Variants in OR52K1 observed in about 807,000 individuals in gnomAD.
OR52K1 encodes olfactory receptor 52K1.
OR52K1 carries 10 observed loss-of-function variants against 8.7 expected under a neutral mutation model. The observed-to-expected ratio is 1.15, with a 90% CI of 0.71 to 1.95. OR52K1 has a LOEUF of 1.95. Ranked by LOEUF, OR52K1 falls within the 30% of genes most tolerant of loss-of-function variation. OR52K1 has a pLI of 0.00. For synonymous variants in OR52K1, 203 were observed against 148.5 expected, an observed-to-expected ratio of 1.37 and a Z score of -2.67; for missense variants, 431 against 397.2, an observed-to-expected ratio of 1.08 and a Z score of -0.72.
At chr11:4,485,419 T>A (rs977793567) in intron 1 of OR52K1, among the ~76,000 whole-genome samples, 10 of 152,202 alleles carry the variant, frequency 6.6e-5, no homozygotes, top group Admixed American at 2.0e-4. Flanking sequence ...AAACTCACCA[T>A]GTTCAAAAAT....
chr11:4,487,931 C>G (rs1178444305), intron 1 of OR52K1, among the ~76,000 whole-genome samples: 1 of 151,880 alleles, frequency 6.6e-6, no homozygotes, highest in African/African-American at 2.4e-5. Context: ...GAACAATGAC[C>G]AGAACAAGAT....
At chr11:4,484,470 C>T (rs926301419) in intron 1 of OR52K1, among the ~76,000 whole-genome samples, 2 of 152,010 alleles carry the variant, frequency 1.3e-5, no homozygotes, top group East Asian at 3.9e-4. Flanking sequence ...CTAGGTTGAG[C>T]AACTGGTTGG....
Position 4,492,695 on chromosome 11 carries a change from T to C in OR52K1, c.*2850T>C, listed in dbSNP as rs1564833639. Reference sequence around the variant, plus strand: ...TAATGAACACTTCTTCAGTCAGTTCTACAAAAAGAAGCTCCCATACATACT... The same window carrying C: ...TAATGAACACTTCTTCAGTCAGTTCCACAAAAAGAAGCTCCCATACATACT... On this transcript the variant is annotated 3_prime_UTR_variant, in exon 2 of 2. Coordinates refer to ENST00000641528, the MANE Select transcript of OR52K1 (RefSeq NM_001005171.3). 6.6e-6 allele frequency: 1 copy of C among 152,248 alleles called. No homozygotes were observed. The highest frequency in any genetic ancestry group is 1.5e-5 in the Non-Finnish European group (1 of 68,062). The allele number at this position is 152,248 out of a possible 1,614,324, so 9.4% of individuals were successfully genotyped here. A position where few individuals can be genotyped will look rare whatever the true frequency, so the allele number is the denominator to read the frequency against.
intron 1 of OR52K1, among the ~76,000 whole-genome samples, chr11:4,484,453 C>T (rs984538448): frequency 6.6e-6 from 1 of 152,036 alleles, no homozygotes; most frequent in Non-Finnish European, 1.5e-5. Flanking sequence ...TCCAGGATGA[C>T]TTGATTCTAG....
chr11:4,488,613 T>G lies in OR52K1; in HGVS notation c.-288T>G, dbSNP rs1589810079. ...CCAAGAACACAGAAAACACTACATATACTCCATTCCTTTATGAAAGTTGTC... is the reference window on the plus strand; with the variant it reads ...CCAAGAACACAGAAAACACTACATAGACTCCATTCCTTTATGAAAGTTGTC... On this transcript the variant is annotated 5_prime_UTR_variant, in exon 2 of 2. An upstream open reading frame in the 5' UTR gains an earlier in-frame stop. Coordinates refer to ENST00000641528, the MANE Select transcript of OR52K1 (RefSeq NM_001005171.3). 1 of 372,768 alleles carries G rather than the reference T, an allele frequency of 2.7e-6. No individual in the cohort carries two copies. Among genetic ancestry groups the G allele is most frequent in the Non-Finnish European group, 4.8e-6 (1 of 207,570 alleles). 23.1% of individuals were successfully genotyped at this position (372,768 alleles called of 1,614,324 possible). A position where few individuals can be genotyped will look rare whatever the true frequency, so the allele number is the denominator to read the frequency against.
At position 4,489,476 on chromosome 11, in the gene OR52K1, G is replaced by T; in HGVS notation, c.576G>T (p.Gly192=). 1 of 1,614,186 alleles carries T rather than the reference G, an allele frequency of 6.2e-7. No individual in the cohort carries two copies. The highest frequency in any genetic ancestry group is 8.5e-7 in the Non-Finnish European group (1 of 1,180,014). ...EHMAVVRLAC[G]DTSFNNIYGI... ...TGGCTGTGGTAAGGCTGGCGTGTGG[G>T]GACACTAGCTTCAACAATATCTATG... is the stretch of plus-strand genomic sequence containing the variant. Residue 192 remains glycine, a synonymous_variant, in exon 2 of 2, where the codon GGG becomes GGT. Coordinates refer to ENST00000641528, the MANE Select transcript of OR52K1 (RefSeq NM_001005171.3).
At chr11:4,484,654 T>C (rs1435406706) in intron 1 of OR52K1, among the ~76,000 whole-genome samples, 1 of 151,920 alleles carries the variant, frequency 6.6e-6, no homozygotes, top group African/African-American at 2.4e-5. Flanking sequence ...TAAATTTGTG[T>C]TTGTTTCAGG....
chr11:4,487,853 ATATTT>A (rs1846332842), intron 1 of OR52K1, among the ~76,000 whole-genome samples: 1 of 152,160 alleles, frequency 6.6e-6, no homozygotes, highest in South Asian at 2.1e-4. Flanking sequence ...ATACAAACAT[ATATTT>A]TATAATTTTA....
At chr11:4,487,883 A>T (rs1846333199) in intron 1 of OR52K1, among the ~76,000 whole-genome samples, 2 of 152,190 alleles carry the variant, frequency 1.3e-5, no homozygotes, top group African/African-American at 4.8e-5. Context: ...AGTCTTGGTA[A>T]AAACTGGGTA....
chr11:4,483,872 T>C (rs1451710207), intron 1 of OR52K1, among the ~76,000 whole-genome samples: 1 of 152,176 alleles, frequency 6.6e-6, no homozygotes, highest in Non-Finnish European at 1.5e-5. Context: ...AAAATGTCTG[T>C]TGTCATAAGA....
At position 4,490,032 on chromosome 11, in the gene OR52K1, G is replaced by T. The variant is rs1169412215; in HGVS notation, c.*187G>T. ...CAAACCAGGAGTGCACCTATAGTCT[G>T]GTCTGATAGTAGAGGTTTGACCTTC... On this transcript the variant is annotated 3_prime_UTR_variant, in exon 2 of 2. Transcript: ENST00000641528. The T allele has an allele frequency of 6.8e-6, 4 of 589,060 alleles. No individual in the cohort carries two copies. Among genetic ancestry groups the T allele is most frequent in the Non-Finnish European group, 1.2e-5 (4 of 332,578 alleles). The allele number at this position is 589,060 out of a possible 1,614,324, so 36.5% of individuals were successfully genotyped here.
At chr11:4,484,486 A>T (rs1408635046) in intron 1 of OR52K1, among the ~76,000 whole-genome samples, 1 of 152,072 alleles carries the variant, frequency 6.6e-6, no homozygotes, top group African/African-American at 2.4e-5. Flanking sequence ...GTTGGGCAGG[A>T]TGTTACGTTC....
Position 4,484,374 on chromosome 11 carries a change from A to G in OR52K1, c.-329+1198A>G, listed in dbSNP as rs562481043. Among the ~76,000 whole-genome samples the G allele has an allele frequency of 5.9e-5, 9 of 152,234 alleles. No homozygotes were observed. The South Asian group carries it at 1.9e-3, about 32-fold the overall frequency. ...TGGAAACGCAATGGGCAACGTGGAGATTTACTATGTAGGATGATCCAGTGT... is the reference window on the plus strand; with the variant it reads ...TGGAAACGCAATGGGCAACGTGGAGGTTTACTATGTAGGATGATCCAGTGT... On this transcript the variant is annotated intron_variant, in intron 1 of 1. Transcript: ENST00000641528.
At chr11:4,486,901 G>T (rs1846325074) in intron 1 of OR52K1, among the ~76,000 whole-genome samples, 1 of 152,208 alleles carries the variant, frequency 6.6e-6, no homozygotes, top group Non-Finnish European at 1.5e-5. Context: ...AGCAGGAGAA[G>T]GAAGTGAGAC....
At position 4,488,775 on chromosome 11, in the gene OR52K1, T is replaced by A. The variant is rs16934725; in HGVS notation, c.-126T>A. On this transcript the variant is annotated 5_prime_UTR_variant, in exon 2 of 2. An upstream start codon of the reference 5' UTR is lost. Transcript: ENST00000641528. ...GGTTATTTTGTTTAAAGTCTAGCAA[T>A]GGAAACAAGAGGTAATCTTTGCAGG... 760 of 690,320 alleles carry A rather than the reference T, an allele frequency of 1.1e-3. 4 individuals carry two copies. The African/African-American group carries it at 0.011, about 10-fold the overall frequency. The allele number at this position is 690,320 out of a possible 1,614,324, so 42.8% of individuals were successfully genotyped here.
Position 4,489,665 on chromosome 11 carries a change from T to C in OR52K1, c.765T>C (p.Thr255=). The change falls in exon 2 of 2, where the codon ACT becomes ACC. Residue 255 remains threonine, a synonymous_variant. Transcript: ENST00000641528. ...TAGGTGCCATCCTGTCCACCTACACTCCAGTAGTCATCTCTTCAGTCATGC... is the reference window on the plus strand; with the variant it reads ...TAGGTGCCATCCTGTCCACCTACACCCCAGTAGTCATCTCTTCAGTCATGC... ...SHIGAILSTY[T]PVVISSVMHR... is the part of the protein sequence containing the mutation. 6.2e-7 allele frequency: 1 copy of C among 1,614,164 alleles called. No homozygotes were observed. Among genetic ancestry groups the C allele is most frequent in the South Asian group, 1.1e-5 (1 of 91,080 alleles).
intron 1 of OR52K1, among the ~76,000 whole-genome samples, chr11:4,486,479 G>A (rs1212830771): frequency 2.6e-5 from 4 of 152,130 alleles, no homozygotes; most frequent in African/African-American, 7.2e-5. Flanking sequence ...CTTTAGTTTG[G>A]CATTTAAGGA....
chr11:4,488,945 G>C lies in OR52K1; in HGVS notation c.45G>C (p.Leu15Phe). Reference protein sequence around the residue: ...NITSTHPAVFLLVGIPGLEHL... With the variant: ...NITSTHPAVFFLVGIPGLEHL... ...CCTCAACACATCCAGCTGTCTTTTT[G>C]TTGGTAGGAATTCCTGGTTTGGAAC... Residue 15 changes from leucine (L) to phenylalanine (F), a missense_variant, in exon 2 of 2, where the codon TTG becomes TTC. By Grantham distance (22) the Leu-to-Phe change is conservative. Coordinates refer to ENST00000641528, the MANE Select transcript of OR52K1 (RefSeq NM_001005171.3). 1 of 1,613,976 alleles carries C rather than the reference G, an allele frequency of 6.2e-7. No homozygotes were observed.
intron 1 of OR52K1, among the ~76,000 whole-genome samples, chr11:4,486,921 C>A (rs918511450): frequency 1.3e-5 from 2 of 152,142 alleles, no homozygotes; most frequent in African/African-American, 4.8e-5. Flanking sequence ...CACTCTGGAG[C>A]TGGGAAACGG....
Sources: allele counts gnomAD v4.1 joint callset (sites outside exome capture counted in the v4.1 genomes callset), GRCh38; gene constraint gnomAD v4.1.1; transcripts MANE v1.5; gene names NCBI Gene and HGNC (gene_info 2026-07-23, HGNC 2026-07-21).